Variants in IGHMBP2 observed in about 807,000 individuals in gnomAD.
IGHMBP2 encodes immunoglobulin mu DNA binding protein 2.
IGHMBP2 carries 81 observed loss-of-function variants against 96.0 expected under a neutral mutation model. That is an observed-to-expected ratio of 0.84 (90% CI 0.71 to 1.01). IGHMBP2 has a LOEUF of 1.01. Among genes scored for constraint, IGHMBP2 ranks in the 50% least tolerant of loss-of-function variants. IGHMBP2 has a pLI of 0.00. For synonymous variants in IGHMBP2, 557 were observed against 548.9 expected (o/e 1.01, Z -0.21); for missense variants, 1,227 against 1,306.3 (o/e 0.94, Z 0.94).
Position 68,936,670 on chromosome 11 carries a change from G to A in IGHMBP2, c.2190G>A (p.Arg730=), listed in dbSNP as rs757581227. 3 of 1,613,956 alleles carry A rather than the reference G, an allele frequency of 1.9e-6. No homozygotes were observed. Among genetic ancestry groups the A allele is most frequent in the Non-Finnish European group, 2.5e-6 (3 of 1,179,994 alleles). ...VESQDGVDHF[R]AMIVEFMASK... ...GCCAAGATGGCGTGGACCACTTCCG[G>A]GCCATGATAGTGGAGTTCATGGCCA... Residue 730 remains arginine (R), a synonymous_variant, in exon 13 of 15, where the codon CGG becomes CGA. Transcript: ENST00000255078.
intron 7 of IGHMBP2, among the ~76,000 whole-genome samples, chr11:68,920,223 A>G (rs780442963): frequency 5.9e-5 from 9 of 152,026 alleles, no homozygotes; most frequent in Non-Finnish European, 1.3e-4. Context: ...CATGTTGTCC[A>G]GCTTTCTTTT....
At chr11:68,911,869 G>T (rs1858449355) in intron 5 of IGHMBP2, among the ~76,000 whole-genome samples, 1 of 152,230 alleles carries the variant, frequency 6.6e-6, no homozygotes, top group African/African-American at 2.4e-5. Context: ...TGTCGGCCAG[G>T]CCCTGGGTCA....
At chr11:68,928,781 T>C (rs1393268355) in intron 7 of IGHMBP2, among the ~76,000 whole-genome samples, 1 of 150,044 alleles carries the variant, frequency 6.7e-6, no homozygotes, top group African/African-American at 2.5e-5. Flanking sequence ...GGAGGCTTTT[T>C]TCTGGGTGAG....
rs372835712 is a variant in IGHMBP2, at chr11:68,908,134, T to C, written c.257-11T>C. On this transcript the variant is annotated splice_polypyrimidine_tract_variant and intron_variant, in intron 2 of 14. Transcript: ENST00000255078. ...CCAGTGTCTTGTGTCACTGAGTCTT[T>C]GTTTTTGCAGGTGATATCGTGGGCC... 111 of 1,612,710 alleles carry C rather than the reference T, an allele frequency of 6.9e-5. No individual in the cohort carries two copies. Among genetic ancestry groups the C allele is most frequent in the Non-Finnish European group, 6.3e-5 (74 of 1,178,982 alleles).
intron 7 of IGHMBP2, among the ~76,000 whole-genome samples, chr11:68,928,073 G>A (rs1321821964): frequency 2.0e-5 from 3 of 152,226 alleles, no homozygotes; most frequent in Non-Finnish European, 2.9e-5. Context: ...CCGATGTCTT[G>A]TTGCTTTCGT....
At chr11:68,924,218 C>T (rs1280891227) in intron 7 of IGHMBP2, among the ~76,000 whole-genome samples, 4 of 152,206 alleles carry the variant, frequency 2.6e-5, no homozygotes, top group South Asian at 4.2e-4. Flanking sequence ...AGGTGGAGGA[C>T]GCACATTCTC....
intron 13 of IGHMBP2, 35 bp downstream of exon 13, chr11:68,937,126 C>G: frequency 6.3e-7 from 1 of 1,595,606 alleles, no homozygotes; most frequent in Non-Finnish European, 8.5e-7. Context: ...GGCAGTGTCC[C>G]CTCACTGGGG....
intron 7 of IGHMBP2, among the ~76,000 whole-genome samples, chr11:68,921,256 T>G (rs571321894): frequency 3.2e-4 from 48 of 151,882 alleles, no homozygotes; most frequent in Admixed American, 3.9e-4. Flanking sequence ...TTTTATTTAT[T>G]TATTTATTTT....
intron 4 of IGHMBP2, among the ~76,000 whole-genome samples, 154 bp downstream of exon 4, chr11:68,908,785 A>G (rs915547618): frequency 6.6e-6 from 1 of 151,274 alleles, no homozygotes; most frequent in African/African-American, 2.4e-5. Flanking sequence ...AGGGCCTTGC[A>G]TGAACTGGAC....
At chr11:68,934,076 T>C (rs1462315145) in intron 10 of IGHMBP2, 163 bp downstream of exon 10, 2 of 685,676 alleles carry the variant, frequency 2.9e-6, no homozygotes, top group Non-Finnish European at 5.3e-6. Context: ...GCAGCATCGT[T>C]TTCTCCAGGG....
intron 13 of IGHMBP2, 63 bp downstream of exon 13, chr11:68,937,154 G>C: frequency 6.3e-7 from 1 of 1,579,294 alleles, no homozygotes; most frequent in Non-Finnish European, 8.6e-7. Flanking sequence ...CCCACTTGGA[G>C]CCCACCTGCC....
chr11:68,912,460 CTT>C (rs1858477113), intron 5 of IGHMBP2, among the ~76,000 whole-genome samples: 1 of 151,710 alleles, frequency 6.6e-6, no homozygotes, highest in Non-Finnish European at 1.5e-5. Context: ...GAAAAAGGAT[CTT>C]TTATCATCAT....
At chr11:68,937,959 T>C in intron 13 of IGHMBP2, 1 of 586,396 alleles carries the variant, frequency 1.7e-6, no homozygotes, top group Admixed American at 2.8e-5. Flanking sequence ...AGCTGCTTTT[T>C]AATTTTTTTT....
chr11:68,917,742 A>C lies in IGHMBP2; in HGVS notation c.919A>C (p.Asn307His), dbSNP rs758520241. The change falls in exon 7 of 15, where the codon AAC becomes CAC. Residue 307 changes from asparagine to histidine, a missense_variant. Physicochemically the swap from Asn to His is moderately conservative, Grantham distance 68. Transcript: ENST00000255078. ...CCTTTGTTTTTCTTTATAGGTGAAA[A>C]ACAAAAAGACCCAGGATAAGAGAGA... ...RKDIDQVFVKNKKTQDKREKS... is the reference protein window; with the variant it reads ...RKDIDQVFVKHKKTQDKREKS... The C allele has an allele frequency of 8.7e-6, 14 of 1,612,138 alleles. No homozygotes were observed. In the Admixed American group the frequency reaches 1.3e-4, roughly 15 times the overall value.
rs764495455 is a variant in IGHMBP2, at chr11:68,911,531, T to C, written c.639T>C (p.His213=). 15 of 1,614,022 alleles carry C rather than the reference T, an allele frequency of 9.3e-6. No individual in the cohort carries two copies. The East Asian group carries it at 3.1e-4, about 34-fold the overall frequency. Residue 213 remains histidine (H), a synonymous_variant, in exon 5 of 15, where the codon CAT becomes CAC. Transcript: ENST00000255078. Reference sequence around the variant, plus strand: ...CTCAGAAAGAACTTGCCATCATCCATGGACCTCCTGGCACTGGGAAAACCA... The same window carrying C: ...CTCAGAAAGAACTTGCCATCATCCACGGACCTCCTGGCACTGGGAAAACCA... ...ALSQKELAII[H]GPPGTGKTTT...
In IGHMBP2 at chr11:68,914,878, C is replaced by G. The variant is rs148095551; in HGVS notation, c.767C>G (p.Ala256Gly). Residue 256 changes from alanine to glycine, a missense_variant, in exon 6 of 15, where the codon GCT (alanine) becomes GGT (glycine). Around this residue, in one of 3 missense-constraint regions of IGHMBP2, gnomAD observed 507 missense variants for 496.9 expected, o/e 1.02. Coordinates refer to ENST00000255078, the MANE Select transcript of IGHMBP2 (RefSeq NM_002180.3). ...GTGGACAATCTGGTGGAGCGCCTGG[C>G]TCTGTGTAAGCAGCGGATTCTGCGC... Reference protein sequence around the residue: ...IAVDNLVERLALCKQRILRLG... With the variant: ...IAVDNLVERLGLCKQRILRLG... The G allele has an allele frequency of 7.0e-4, 1,135 of 1,614,256 alleles. 1 individual carries two copies. The highest frequency in any genetic ancestry group is 5.1e-3 in the Middle Eastern group (31 of 6,062).
At chr11:68,912,847 C>G (rs945038967) in intron 5 of IGHMBP2, among the ~76,000 whole-genome samples, 2 of 151,322 alleles carry the variant, frequency 1.3e-5, no homozygotes, top group African/African-American at 4.9e-5. Flanking sequence ...CGAGACCAGC[C>G]TGGCTAACAT....
chr11:68,930,730 G>C (rs1859262313), intron 8 of IGHMBP2, among the ~76,000 whole-genome samples: 1 of 152,168 alleles, frequency 6.6e-6, no homozygotes, highest in East Asian at 1.9e-4. Context: ...TTTAGTGTTA[G>C]AACAGCTCAG....
chr11:68,922,441 A>T (rs1428049614), intron 7 of IGHMBP2, among the ~76,000 whole-genome samples: 2 of 151,930 alleles, frequency 1.3e-5, no homozygotes, highest in Non-Finnish European at 2.9e-5. Flanking sequence ...TGTCACCCAG[A>T]CTGGAGTGCC....
Sources: gnomAD v4.1 joint callset for allele counts (sites outside exome capture counted in the v4.1 genomes callset) on GRCh38, gnomAD v4.1.1 for gene constraint, gnomAD v4.1.1 regional missense constraint, MANE v1.5 for transcripts, NCBI Gene and HGNC (gene_info 2026-07-23, HGNC 2026-07-21) for gene names.